The following THSD7A variants were observed in gnomAD, a reference collection of about 807,000 sequenced individuals.
The protein encoded by THSD7A is thrombospondin type 1 domain containing 7A.
In THSD7A, 96 loss-of-function variants were observed where a neutral mutation model predicts 231.3. The observed-to-expected ratio is 0.41, with a 90% confidence interval of 0.35 to 0.49. The LOEUF (loss-of-function observed/expected upper bound fraction) is 0.49, where lower values mean the gene tolerates loss of function less well. Ranked by LOEUF, THSD7A falls within the 20% of genes least tolerant of loss-of-function variation. The pLI is 0.05. For missense variants in THSD7A, 2,290 were observed against 2,070.2 expected (o/e 1.11, Z -2.06); for synonymous variants, 940 against 743.3 (o/e 1.26, Z -4.30).
Position 11,406,284 on chromosome 7 carries a change from C to A in THSD7A, c.4237+16G>T. The stretch of plus-strand genomic sequence containing the variant: ...AAAAAATAATCAGAATATGAATTCT[C>A]CTTTGCCGTTGTTACCTGGGCAAGG... On this transcript the variant is annotated intron_variant, in intron 22 of 27. Coordinates refer to ENST00000423059, the MANE Select transcript of THSD7A (RefSeq NM_015204.3). The surrounding 1 kb of genome is among the most constrained non-coding windows in gnomAD (Gnocchi z 4.7). 6.3e-7 allele frequency: 1 copy of A among 1,594,268 alleles called. No homozygotes were observed. Among genetic ancestry groups the A allele is most frequent in the East Asian group, 2.2e-5 (1 of 44,740 alleles).
chr7:11,551,795 C>G (rs1291335834), intron 4 of THSD7A, among the ~76,000 whole-genome samples: 1 of 152,078 alleles, frequency 6.6e-6, no homozygotes, highest in African/African-American at 2.4e-5. Context: ...GGAGATTTCT[C>G]AAAGAACTTA....
rs73676035 is a variant in THSD7A, at chr7:11,590,262, A to G, written c.1453+198T>C. ...TTAAAGAAACTTGTCAGTAAACCAG[A>G]ACTGACCAAAGATGGAATTGTGTTA... is the stretch of plus-strand genomic sequence containing the variant. On this transcript the variant is annotated intron_variant, in intron 4 of 27. Coordinates refer to ENST00000423059, the MANE Select transcript of THSD7A (RefSeq NM_015204.3). This position sits in a 1 kb window ranked among gnomAD's most constrained non-coding sequence, Gnocchi z 4.4. Among the ~76,000 whole-genome samples, 1,595 of 152,284 alleles carry G rather than the reference A, an allele frequency of 0.01. 28 individuals carry two copies. The highest frequency in any genetic ancestry group is 0.036 in the African/African-American group (1,483 of 41,552).
intron 23 of THSD7A, among the ~76,000 whole-genome samples, chr7:11,387,884 T>C (rs1313429783): frequency 6.6e-6 from 1 of 152,210 alleles, no homozygotes; most frequent in Non-Finnish European, 1.5e-5. Context: ...ATATGTTTCA[T>C]CAATACCTAG....
chr7:11,662,442 G>A (rs1320094451), intron 1 of THSD7A, among the ~76,000 whole-genome samples: 2 of 151,092 alleles, frequency 1.3e-5, no homozygotes, highest in Non-Finnish European at 3.0e-5. Context: ...AATACAGAGA[G>A]GTATACAGTA....
In THSD7A at chr7:11,424,726, C is replaced by T. The variant is rs1784261273; in HGVS notation, c.3353G>A (p.Cys1118Tyr). 4.3e-6 allele frequency: 7 copies of T among 1,614,006 alleles called. No individual in the cohort carries two copies. The highest frequency in any genetic ancestry group is 5.9e-6 in the Non-Finnish European group (7 of 1,179,882). ...TTTTCGGGTTTGCACGCCCTCTCCA[C>T]AGTTCTCCCGCATATTCACAAAGGT... ...KVTFVNMRENCGEGVQTRKVR... is the reference protein window; with the variant it reads ...KVTFVNMRENYGEGVQTRKVR... Residue 1118 changes from cysteine to tyrosine, a missense_variant, in exon 16 of 28, where the codon TGT (cysteine) becomes TAT (tyrosine). Transcript: ENST00000423059.
chr7:11,776,851 A>G (rs1783422851), intron 1 of THSD7A, among the ~76,000 whole-genome samples: 1 of 152,172 alleles, frequency 6.6e-6, no homozygotes, highest in African/African-American at 2.4e-5. Context: ...ACTAGTTATT[A>G]GTGATTCTTT....
Position 11,447,311 on chromosome 7 carries a change from A to G in THSD7A, c.2719T>C (p.Cys907Arg). ...QACQIPCQDD[C>R]QLTSWSKFSS... ...AACTTGGACCAGCTGGTCAATTGAC[A>G]GTCATCCTGGCAGGGGATCTGGCAG... The change falls in exon 12 of 28, where the codon TGT (cysteine) becomes CGT (arginine). Residue 907 changes from cysteine to arginine, a missense_variant. Physicochemically the swap from Cys to Arg is radical, Grantham distance 180. Coordinates refer to ENST00000423059, the MANE Select transcript of THSD7A (RefSeq NM_015204.3). 1 of 1,613,050 alleles carries G rather than the reference A, an allele frequency of 6.2e-7. No homozygotes were observed. The highest frequency in any genetic ancestry group is 1.7e-4 in the Middle Eastern group (1 of 6,052).
intron 13 of THSD7A, among the ~76,000 whole-genome samples, chr7:11,442,630 A>G (rs1448234048): frequency 6.6e-6 from 1 of 152,116 alleles, no homozygotes; most frequent in Non-Finnish European, 1.5e-5. Context: ...CAAAGTCATA[A>G]CATTCCACAA....
intron 1 of THSD7A, among the ~76,000 whole-genome samples, chr7:11,794,171 A>C (rs1784050386): frequency 6.6e-6 from 1 of 151,976 alleles, no homozygotes. Flanking sequence ...AGATAAGAGA[A>C]GTCTGTGAGG....
intron 1 of THSD7A, among the ~76,000 whole-genome samples, chr7:11,704,481 T>C (rs995094187): frequency 6.6e-6 from 1 of 150,774 alleles, no homozygotes; most frequent in Admixed American, 6.6e-5. Context: ...ATCTCTCCTA[T>C]TGAATTCCTC....
Position 11,370,789 on chromosome 7 carries a change from T to A in THSD7A, c.*5005A>T, listed in dbSNP as rs1187036671. ...AATTTATAGAAAGACAGATTGCAAA[T>A]TTTAATAAAGTTATATTTTACAATG... On this transcript the variant is annotated 3_prime_UTR_variant, in exon 28 of 28. Coordinates refer to ENST00000423059, the MANE Select transcript of THSD7A (RefSeq NM_015204.3). 7 of 152,262 alleles carry A rather than the reference T, an allele frequency of 4.6e-5. No individual in the cohort carries two copies. Among genetic ancestry groups the A allele is most frequent in the African/African-American group, 1.7e-4 (7 of 41,566 alleles). 9.4% of individuals were successfully genotyped at this position (152,262 alleles called of 1,614,324 possible).
intron 6 of THSD7A, among the ~76,000 whole-genome samples, chr7:11,498,018 T>C (rs1787175355): frequency 1.3e-5 from 2 of 152,160 alleles, no homozygotes; most frequent in South Asian, 4.1e-4. Context: ...TGTGGAGTCT[T>C]GGCAGAGCAG....
In THSD7A at chr7:11,428,960, T is replaced by C. The variant is rs1364584068; in HGVS notation, c.3230A>G (p.Asp1077Gly). 3.1e-6 allele frequency: 5 copies of C among 1,607,276 alleles called. No individual in the cohort carries two copies. Among genetic ancestry groups the C allele is most frequent in the Non-Finnish European group, 4.2e-6 (5 of 1,177,252 alleles). The change falls in exon 14 of 28, where the codon GAC becomes GGC. Residue 1077 changes from aspartate (D) to glycine (G), a missense_variant. By Grantham distance (94) the Asp-to-Gly change is moderately conservative. Transcript: ENST00000423059. ...YNGGRPCPKLDHVNQAQVYEV... is the reference protein window; with the variant it reads ...YNGGRPCPKLGHVNQAQVYEV... ...GATAGAAAATACCTGGTTGACATGG[T>C]CCAGTTTGGGGCAAGGCCTTCCTCC...
chr7:11,697,975 C>T (rs1204212857), intron 1 of THSD7A, among the ~76,000 whole-genome samples: 1 of 151,372 alleles, frequency 6.6e-6, no homozygotes, highest in East Asian at 2.0e-4. Context: ...ATATGTTAGT[C>T]ATACGAATGC....
chr7:11,684,807 T>A (rs1278665416), intron 1 of THSD7A, among the ~76,000 whole-genome samples: 1 of 151,990 alleles, frequency 6.6e-6, no homozygotes, highest in Non-Finnish European at 1.5e-5. Context: ...TTCAAAGCAA[T>A]CTACAGATTC....
intron 23 of THSD7A, among the ~76,000 whole-genome samples, chr7:11,389,989 G>T (rs911049748): frequency 3.9e-5 from 6 of 152,200 alleles, no homozygotes; most frequent in African/African-American, 1.4e-4. Flanking sequence ...TCCACTGTTA[G>T]TCTGATGGGC....
chr7:11,569,326 CAAT>C (rs374965062), intron 4 of THSD7A, among the ~76,000 whole-genome samples: 2 of 151,676 alleles, frequency 1.3e-5, no homozygotes, highest in African/African-American at 2.4e-5. Flanking sequence ...AACTCAACTG[CAAT>C]AATAATAATA....
intron 6 of THSD7A, among the ~76,000 whole-genome samples, chr7:11,528,692 A>G (rs1303459716): frequency 1.3e-5 from 2 of 152,204 alleles, no homozygotes; most frequent in African/African-American, 2.4e-5. Context: ...GGAAGTCAAG[A>G]AAGTCAAGAA....
intron 1 of THSD7A, among the ~76,000 whole-genome samples, chr7:11,792,483 C>T (rs146993919): frequency 0.01 from 1,587 of 152,012 alleles, 24 homozygotes; most frequent in African/African-American, 0.036. Context: ...TTGCACCAAG[C>T]CTTATAGTGG....
Sources: allele counts gnomAD v4.1 joint callset (sites outside exome capture counted in the v4.1 genomes callset), GRCh38; gene constraint gnomAD v4.1.1; non-coding constraint Gnocchi (gnomAD v3.1); transcripts MANE v1.5; gene names NCBI Gene and HGNC (gene_info 2026-07-23, HGNC 2026-07-21).